The following PPARGC1A variants were observed in gnomAD, a reference collection of about 807,000 sequenced individuals.
PPARGC1A encodes PPARG coactivator 1 alpha.
A neutral mutation model predicts 88.7 loss-of-function variants in PPARGC1A; 25 were observed. That is an observed-to-expected ratio of 0.28 (90% CI 0.21 to 0.39). The LOEUF (loss-of-function observed/expected upper bound fraction) is 0.39, where lower values mean the gene tolerates loss of function less well. Among genes scored for constraint, PPARGC1A ranks in the 10% least tolerant of loss-of-function variants. The pLI, the probability that PPARGC1A is intolerant of heterozygous loss-of-function variation, is 1.00. For synonymous variants in PPARGC1A, 363 were observed against 355.6 expected, an observed-to-expected ratio of 1.02 and a Z score of -0.24; for missense variants, 880 against 968.7, an observed-to-expected ratio of 0.91 and a Z score of 1.22.
chr4:24,427,788 T>A, the PPARGC1A span, among the ~76,000 whole-genome samples: 1 of 151,940 alleles, frequency 6.6e-6, no homozygotes, highest in East Asian at 1.9e-4. Context: ...GGTCAGGAGA[T>A]CCACAAGAAA....
At chr4:23,993,112 G>T in the PPARGC1A span, among the ~76,000 whole-genome samples, 1 of 152,002 alleles carries the variant, frequency 6.6e-6, no homozygotes. Flanking sequence ...AAAAAAAAGG[G>T]CAAACTCTGT....
the PPARGC1A span, among the ~76,000 whole-genome samples, chr4:23,960,085 A>G: frequency 6.6e-6 from 1 of 152,154 alleles, no homozygotes; most frequent in African/African-American, 2.4e-5. Flanking sequence ...TCAGGCAACA[A>G]TCTAGGCTAA....
At chr4:23,908,541 G>A (rs1434367660), upstream of PPARGC1A, among the ~76,000 whole-genome samples, 1 of 150,984 alleles carries the variant, frequency 6.6e-6, no homozygotes, top group African/African-American at 2.4e-5. Context: ...ACCCTACTTG[G>A]AAAATTATCC....
At chr4:24,194,618 G>A in the PPARGC1A span, among the ~76,000 whole-genome samples, 1,729 of 27,470 alleles carry the variant, frequency 0.063, 12 homozygotes, top group East Asian at 0.18. Context: ...ACACACGCGC[G>A]CGCACGCGCG....
At chr4:24,059,596 G>A in the PPARGC1A span, among the ~76,000 whole-genome samples, 97 of 152,248 alleles carry the variant, frequency 6.4e-4, 1 homozygote, top group African/African-American at 6.5e-4. Context: ...CGTGCCCATC[G>A]CTCCCACAGC....
the PPARGC1A span, among the ~76,000 whole-genome samples, chr4:24,261,182 C>T: frequency 6.6e-6 from 1 of 152,162 alleles, no homozygotes; most frequent in East Asian, 1.9e-4. Flanking sequence ...CCTCTTTCTG[C>T]CTTCCATTTT....
rs1007152570 is a variant in PPARGC1A, at chr4:23,794,808, A to G, written c.*1014T>C. On this transcript the variant is annotated 3_prime_UTR_variant, in exon 13 of 13. Coordinates refer to ENST00000264867, the MANE Select transcript of PPARGC1A (RefSeq NM_013261.5). ...GAACACATCTCAGAGAGTTCTACCC[A>G]ACTCTCATTAGTAATGTAACCCGGT... 1 of 152,518 alleles carries G rather than the reference A, an allele frequency of 6.6e-6. No homozygotes were observed. The highest frequency in any genetic ancestry group is 6.6e-5 in the Admixed American group (1 of 15,236). The allele number at this position is 152,518 out of a possible 1,614,324, so 9.4% of individuals were successfully genotyped here.
chr4:24,401,658 T>C, the PPARGC1A span, among the ~76,000 whole-genome samples: 1 of 152,172 alleles, frequency 6.6e-6, no homozygotes, highest in Admixed American at 6.5e-5. Flanking sequence ...TCCCATCCTA[T>C]TGGGGAAAGA....
At chr4:23,891,350 G>C (rs1372367984), upstream of PPARGC1A, among the ~76,000 whole-genome samples, 1 of 152,090 alleles carries the variant, frequency 6.6e-6, no homozygotes, top group African/African-American at 2.4e-5. Context: ...TCTTTTACTT[G>C]ATAATAATTT....
chr4:23,853,041 T>C (rs1729581593), intron 2 of PPARGC1A, among the ~76,000 whole-genome samples: 1 of 152,218 alleles, frequency 6.6e-6, no homozygotes, highest in Non-Finnish European at 1.5e-5. Flanking sequence ...AGATTTCCTT[T>C]CACAGGTTTT....
At chr4:23,933,710 C>G in the PPARGC1A span, among the ~76,000 whole-genome samples, 2 of 152,354 alleles carry the variant, frequency 1.3e-5, no homozygotes, top group Admixed American at 1.3e-4. Context: ...TAAATCATCC[C>G]TGCCCACTTA....
At chr4:24,465,364 A>T in the PPARGC1A span, among the ~76,000 whole-genome samples, 2 of 152,208 alleles carry the variant, frequency 1.3e-5, no homozygotes, top group African/African-American at 4.8e-5. Context: ...GAAACATTTT[A>T]ATATAATTAT....
the PPARGC1A span, among the ~76,000 whole-genome samples, chr4:24,167,860 A>G: frequency 6.6e-6 from 1 of 151,936 alleles, no homozygotes; most frequent in Non-Finnish European, 1.5e-5. Context: ...CTCAAGTGAT[A>G]CTCTCACCTC....
chr4:24,357,485 G>A, the PPARGC1A span, among the ~76,000 whole-genome samples: 1 of 152,146 alleles, frequency 6.6e-6, no homozygotes, highest in South Asian at 2.1e-4. Context: ...ACTTTTTCCT[G>A]CCTGTTTTGC....
At chr4:23,899,090 C>CA (rs1178673186) in intron 1 of PPARGC1A, among the ~76,000 whole-genome samples, 2 of 139,936 alleles carry the variant, frequency 1.4e-5, no homozygotes, top group Admixed American at 7.0e-5. Flanking sequence ...TCCACCCCCC[C>CA]CCGGCCTTGG....
intron 2 of PPARGC1A, among the ~76,000 whole-genome samples, chr4:23,859,320 A>G (rs555276471): frequency 1.3e-5 from 2 of 152,188 alleles, no homozygotes; most frequent in Admixed American, 6.5e-5. Flanking sequence ...CATGTCAGAC[A>G]TGATCTTTGG....
At chr4:24,373,215 C>T in the PPARGC1A span, among the ~76,000 whole-genome samples, 1 of 152,170 alleles carries the variant, frequency 6.6e-6, no homozygotes, top group Non-Finnish European at 1.5e-5. Context: ...AATGAGGAAA[C>T]AGTCGGGTCT....
chr4:23,901,543 CAAA>C (rs535361329), upstream of PPARGC1A, among the ~76,000 whole-genome samples: 3 of 80,754 alleles, frequency 3.7e-5, no homozygotes, highest in African/African-American at 9.3e-5. Context: ...GACTCCGTCT[CAAA>C]AAAAAAAAAA....
the PPARGC1A span, among the ~76,000 whole-genome samples, chr4:24,152,241 T>TA: frequency 6.6e-6 from 1 of 152,200 alleles, no homozygotes; most frequent in Admixed American, 6.5e-5. Context: ...TATCTGTACT[T>TA]ACAAATTTAA....
Sources: allele counts gnomAD v4.1 joint callset (sites outside exome capture counted in the v4.1 genomes callset), GRCh38; gene constraint gnomAD v4.1.1; transcripts MANE v1.5; gene names NCBI Gene and HGNC (gene_info 2026-07-23, HGNC 2026-07-21).